The following RIMKLA variants were observed in gnomAD, a reference collection of about 807,000 sequenced individuals.
RIMKLA encodes ribosomal modification protein rimK like family member A.
RIMKLA carries 14 observed loss-of-function variants against 32.7 expected under a neutral mutation model. The ratio of observed to expected loss-of-function variants is 0.43; its 90% CI spans 0.28 to 0.67. The LOEUF (loss-of-function observed/expected upper bound fraction) is 0.67, where lower values mean the gene tolerates loss of function less well. RIMKLA is among the 30% of genes least tolerant of loss of function. The pLI is 0.18. For synonymous variants in RIMKLA, 176 were observed against 204.1 expected, an observed-to-expected ratio of 0.86 and a Z score of 1.18; for missense variants, 410 against 519.0, an observed-to-expected ratio of 0.79 and a Z score of 2.04.
In RIMKLA at chr1:42,410,084, G is replaced by T; in HGVS notation, c.582G>T (p.Glu194Asp). The change falls in exon 4 of 5, where the codon GAG becomes GAT. Residue 194 changes from glutamate to aspartate, a missense_variant. Glu to Asp is a conservative substitution (Grantham distance 45). Coordinates refer to ENST00000431473, the MANE Select transcript of RIMKLA (RefSeq NM_173642.4). ...VPYLFQKYVK[E>D]SHGKDIRVVV... The stretch of plus-strand genomic sequence containing the variant: ...ACCTGTTCCAGAAGTACGTGAAGGA[G>T]TCCCATGGAAAGGACATCCGGGTGG... The T allele has an allele frequency of 6.2e-7, 1 of 1,614,196 alleles. No homozygotes were observed. The highest frequency in any genetic ancestry group is 8.5e-7 in the Non-Finnish European group (1 of 1,180,010).
chr1:42,381,611 A>G (rs965637396), intron 1 of RIMKLA, among the ~76,000 whole-genome samples: 2 of 152,184 alleles, frequency 1.3e-5, no homozygotes, highest in African/African-American at 4.8e-5. Flanking sequence ...TCTGAGAAAG[A>G]TTGGAGTCAC....
intron 4 of RIMKLA, among the ~76,000 whole-genome samples, chr1:42,410,679 C>T (rs1356745604): frequency 2.6e-5 from 4 of 152,082 alleles, no homozygotes; most frequent in Non-Finnish European, 5.9e-5. Context: ...ATGCTTTGGT[C>T]GAATGCATAA....
At chr1:42,391,267 A>G (rs1303094279) in intron 1 of RIMKLA, among the ~76,000 whole-genome samples, 6 of 152,190 alleles carry the variant, frequency 3.9e-5, no homozygotes, top group African/African-American at 1.4e-4. Flanking sequence ...AATATTTCTG[A>G]TAGTGTAAGA....
chr1:42,380,863 C>G lies in RIMKLA; in HGVS notation c.-72C>G. The G allele has an allele frequency of 2.7e-6, 3 of 1,096,162 alleles. No homozygotes were observed. The highest frequency in any genetic ancestry group is 3.4e-6 in the Non-Finnish European group (3 of 881,758). 67.9% of individuals were successfully genotyped at this position (1,096,162 alleles called of 1,614,324 possible). ...GCCCCGGACGCCGGCCGCCCCTCCG[C>G]TCGCCCTACTGAGCGAGCGGCCCGG... On this transcript the variant is annotated 5_prime_UTR_variant, in exon 1 of 5. Coordinates refer to ENST00000431473, the MANE Select transcript of RIMKLA (RefSeq NM_173642.4).
chr1:42,394,382 T>C (rs1340656734), intron 1 of RIMKLA, among the ~76,000 whole-genome samples: 3 of 152,176 alleles, frequency 2.0e-5, no homozygotes, highest in Non-Finnish European at 4.4e-5. Context: ...GGTTGGAGGG[T>C]GATGACTCAT....
chr1:42,382,990 T>C (rs2148381079), intron 1 of RIMKLA, among the ~76,000 whole-genome samples: 1 of 152,100 alleles, frequency 6.6e-6, no homozygotes, highest in East Asian at 1.9e-4. Context: ...CCTGAGTAGC[T>C]GGGATTACAG....
intron 3 of RIMKLA, among the ~76,000 whole-genome samples, chr1:42,406,211 A>G (rs1173603201): frequency 6.6e-6 from 1 of 152,228 alleles, no homozygotes; most frequent in African/African-American, 2.4e-5. Flanking sequence ...TTGGAAATCA[A>G]AAAAATGAAA....
intron 2 of RIMKLA, among the ~76,000 whole-genome samples, chr1:42,400,042 G>C (rs1405316385): frequency 6.6e-6 from 1 of 152,182 alleles, no homozygotes; most frequent in Non-Finnish European, 1.5e-5. Flanking sequence ...TTTAGACATT[G>C]AGGAAGTCTT....
chr1:42,387,190 G>T (rs907773252), intron 1 of RIMKLA, among the ~76,000 whole-genome samples: 1 of 152,118 alleles, frequency 6.6e-6, no homozygotes, highest in African/African-American at 2.4e-5. Context: ...GCAGTGAGCC[G>T]AGATTGAGCC....
rs1643271005 is a variant in RIMKLA at position 42,418,612 on chromosome 1, T to C, written c.*3638T>C. ...TGAATATGTATTGATCAGAGGTAGA[T>C]GTCTTTGAAGCTGTTCTGCATAAAG... On this transcript the variant is annotated 3_prime_UTR_variant, in exon 5 of 5. Coordinates refer to ENST00000431473, the MANE Select transcript of RIMKLA (RefSeq NM_173642.4). 6.6e-6 allele frequency: 1 copy of C among 152,252 alleles called. No homozygotes were observed. The allele number at this position is 152,252 out of a possible 1,614,324, so 9.4% of individuals were successfully genotyped here.
In RIMKLA at chr1:42,415,238, G is replaced by C. The variant is rs532435504; in HGVS notation, c.*264G>C. On this transcript the variant is annotated 3_prime_UTR_variant, in exon 5 of 5. Coordinates refer to ENST00000431473, the MANE Select transcript of RIMKLA (RefSeq NM_173642.4). ...CTGTGAGCACGTGGATATTACGGCTGACGCTAAGGCACTGACTCTGCTGTT... is the reference window on the plus strand; with the variant it reads ...CTGTGAGCACGTGGATATTACGGCTCACGCTAAGGCACTGACTCTGCTGTT... 8.1e-5 allele frequency: 31 copies of C among 383,080 alleles called. 1 individual carries two copies. Among genetic ancestry groups the C allele is most frequent in the African/African-American group, 5.5e-4 (27 of 49,128 alleles). The allele number at this position is 383,080 out of a possible 1,614,324, so 23.7% of individuals were successfully genotyped here.
At chr1:42,386,844 C>G (rs1010904364) in intron 1 of RIMKLA, among the ~76,000 whole-genome samples, 1 of 151,236 alleles carries the variant, frequency 6.6e-6, no homozygotes, top group Non-Finnish European at 1.5e-5. Context: ...GAGATTACGC[C>G]ACTGCCCTCT....
In RIMKLA at chr1:42,385,848, T is replaced by TC. The variant is rs1557749953; in HGVS notation, c.163+4751_163+4752insC. On this transcript the variant is annotated intron_variant, in intron 1 of 4. Transcript: ENST00000431473. Reference sequence around the variant, plus strand: ...CCTTCCTTTCTTTCTTTCTTTCTCTTTCTTTCTTTCTTTCTTTCTTTCTTT... The same window carrying TC: ...CCTTCCTTTCTTTCTTTCTTTCTCTTCTCTTTCTTTCTTTCTTTCTTTCTTT... Among the ~76,000 whole-genome samples, 4 of 16,690 alleles carry TC rather than the reference T, an allele frequency of 2.4e-4. 1 individual carries two copies. The highest frequency in any genetic ancestry group is 5.3e-4 in the Non-Finnish European group (3 of 5,660). 10.9% of individuals were successfully genotyped at this position (16,690 alleles called of 152,430 possible). A position where few individuals can be genotyped will look rare whatever the true frequency, so the allele number is the denominator to read the frequency against.
intron 4 of RIMKLA, among the ~76,000 whole-genome samples, chr1:42,413,678 A>G (rs1643221625): frequency 6.6e-6 from 1 of 151,666 alleles, no homozygotes; most frequent in Admixed American, 6.6e-5. Flanking sequence ...AGTTATAGTC[A>G]TATTGTATAG....
rs558699271 is a variant in RIMKLA, at chr1:42,414,599, C to T, written c.801C>T (p.Gly267=). The change falls in exon 5 of 5, where the codon GGC becomes GGT. Residue 267 remains glycine, a synonymous_variant. Coordinates refer to ENST00000431473, the MANE Select transcript of RIMKLA (RefSeq NM_173642.4). ...CGIDLLIMDD[G]SFVVCEANAN... is the part of the protein sequence containing the mutation. Reference sequence around the variant, plus strand: ...TTGATCTCCTTATCATGGACGATGGCTCCTTTGTGGTGTGTGAGGCAAATG... The same window carrying T: ...TTGATCTCCTTATCATGGACGATGGTTCCTTTGTGGTGTGTGAGGCAAATG... 4 of 1,614,226 alleles carry T rather than the reference C, an allele frequency of 2.5e-6. No individual in the cohort carries two copies. The African/African-American group carries it at 5.3e-5, about 22-fold the overall frequency.
intron 1 of RIMKLA, among the ~76,000 whole-genome samples, chr1:42,389,613 A>G (rs1048878211): frequency 1.3e-5 from 2 of 152,080 alleles, no homozygotes; most frequent in African/African-American, 4.8e-5. Context: ...GGAGTTCGAG[A>G]CCGGCCTGGC....
At chr1:42,405,950 C>G (rs558266313) in intron 3 of RIMKLA, among the ~76,000 whole-genome samples, 2 of 152,100 alleles carry the variant, frequency 1.3e-5, no homozygotes, top group Non-Finnish European at 2.9e-5. Flanking sequence ...GAGAAAGGAG[C>G]CTGGGTGGCA....
At chr1:42,403,673 C>T (rs769945165) in intron 2 of RIMKLA, among the ~76,000 whole-genome samples, 7 of 152,136 alleles carry the variant, frequency 4.6e-5, no homozygotes, top group Non-Finnish European at 7.3e-5. Context: ...GGTTTTCTAT[C>T]GCTCCATAAC....
chr1:42,400,986 C>T (rs1643092088), intron 2 of RIMKLA, among the ~76,000 whole-genome samples: 1 of 151,872 alleles, frequency 6.6e-6, no homozygotes, highest in African/African-American at 2.4e-5. Flanking sequence ...TCCTTTCGGG[C>T]AGTGGTCCCC....
Sources: gnomAD v4.1 joint callset for allele counts (sites outside exome capture counted in the v4.1 genomes callset) on GRCh38, gnomAD v4.1.1 for gene constraint, MANE v1.5 for transcripts, NCBI Gene and HGNC (gene_info 2026-07-23, HGNC 2026-07-21) for gene names.